TTC16: variants seen among roughly 807,000 people sequenced by gnomAD.
TTC16 encodes tetratricopeptide repeat protein 16.
A neutral mutation model predicts 80.4 loss-of-function variants in TTC16; 66 were observed. The ratio of observed to expected loss-of-function variants is 0.82; its 90% CI spans 0.67 to 1.01. The LOEUF is 1.01. Ranked by LOEUF, TTC16 falls within the 50% of genes least tolerant of loss-of-function variation. The pLI, the probability that TTC16 is intolerant of heterozygous loss-of-function variation, is 0.00. For missense variants in TTC16, 1,070 were observed against 1,103.2 expected, an observed-to-expected ratio of 0.97 and a Z score of 0.43; for synonymous variants, 438 against 451.3, an observed-to-expected ratio of 0.97 and a Z score of 0.37.
At chr9:127,729,405 C>A (rs952371288) in intron 12 of TTC16, 176 bp from the exon 13 acceptor site, 1 of 589,800 alleles carries the variant, frequency 1.7e-6, no homozygotes, top group Non-Finnish European at 3.0e-6. Context: ...CCTGGTCGCT[C>A]CCCTTCCTGC....
At position 127,723,970 on chromosome 9, in the gene TTC16, G is replaced by A. The variant is rs1843696964; in HGVS notation, c.873-150G>A. On this transcript the variant is annotated intron_variant, in intron 7 of 13. Coordinates refer to ENST00000373289, the MANE Select transcript of TTC16 (RefSeq NM_144965.3). ...GTAGCAGTCCAGAGCTGGCCCCACG[G>A]GACAAACCTAGCAAATGAGGTGGGA... is the stretch of plus-strand genomic sequence containing the variant. 3 of 1,169,842 alleles carry A rather than the reference G, an allele frequency of 2.6e-6. No homozygotes were observed. The East Asian group carries it at 7.7e-5, about 30-fold the overall frequency. The allele number at this position is 1,169,842 out of a possible 1,614,324, so 72.5% of individuals were successfully genotyped here.
chr9:127,728,288 T>C (rs1844134810), intron 12 of TTC16: 1 of 152,254 alleles, frequency 6.6e-6, no homozygotes, highest in East Asian at 1.9e-4. Context: ...AGTTTCGTCT[T>C]TTCTTCACAT....
chr9:127,730,973 G>A lies in TTC16; in HGVS notation c.2190G>A (p.Gly730=), dbSNP rs371225033. 10 of 1,612,710 alleles carry A rather than the reference G, an allele frequency of 6.2e-6. No individual in the cohort carries two copies. In the East Asian group the frequency reaches 8.9e-5, roughly 14 times the overall value. ...AGACCAGGGCCACCCAGGGCCAGGG[G>A]CAGAGCTCCAGCAAGACTGAGGCCA... The part of the protein sequence containing the change: ...SSKTRATQGQ[G]QSSSKTEATQ... Residue 730 remains glycine, a synonymous_variant, in exon 14 of 14, where the codon GGG becomes GGA. Transcript: ENST00000373289.
rs546753389 is a variant in TTC16 at position 127,722,301 on chromosome 9, G to A, written c.658-818G>A. 6.6e-6 allele frequency among the ~76,000 whole-genome samples: 1 copy of A among 152,328 alleles called. No individual in the cohort carries two copies. The highest frequency in any genetic ancestry group is 6.5e-5 in the Admixed American group (1 of 15,308). On this transcript the variant is annotated intron_variant, in intron 6 of 13. Coordinates refer to ENST00000373289, the MANE Select transcript of TTC16 (RefSeq NM_144965.3). This position sits in a 1 kb window ranked among gnomAD's most constrained non-coding sequence, Gnocchi z 4.2. ...CCAGTCACCCCGCAGGGAACAGGGT[G>A]TTGTTGAACTGTCTGTTGCCTGGCT...
Position 127,726,387 on chromosome 9 carries a change from A to G in TTC16, c.1408A>G (p.Asn470Asp). The change falls in exon 10 of 14, where the codon AAC (asparagine) becomes GAC (aspartate). Residue 470 changes from asparagine (N) to aspartate (D), a missense_variant. By Grantham distance (23) the Asn-to-Asp change is conservative. Transcript: ENST00000373289. Reference protein sequence around the residue: ...RQDVATVLLLNPKQPKLSLLM... With the variant: ...RQDVATVLLLDPKQPKLSLLM... ...GGATGTGGCCACTGTCCTGCTCCTC[A>G]ACCCCAAGCAACCAAAGGTAGGTTC... The G allele has an allele frequency of 6.2e-7, 1 of 1,602,960 alleles. No homozygotes were observed. Among genetic ancestry groups the G allele is most frequent in the Non-Finnish European group, 8.5e-7 (1 of 1,173,710 alleles).
At chr9:127,717,569 C>T in intron 3 of TTC16, 60 bp from the exon 4 acceptor site, 1 of 1,595,230 alleles carries the variant, frequency 6.3e-7, no homozygotes, top group Admixed American at 1.7e-5. Context: ...GAGACTTTCC[C>T]CTACCCTCCA....
chr9:127,717,033 C>G lies in TTC16; in HGVS notation c.191+17C>G. ...CAGGGAATAGTGAGTGACTACCTTG[C>G]TTTGGGGTCCCAGGTTCCTGCCCGA... is the stretch of plus-strand genomic sequence containing the variant. On this transcript the variant is annotated intron_variant, in intron 2 of 13. Coordinates refer to ENST00000373289, the MANE Select transcript of TTC16 (RefSeq NM_144965.3). 6.2e-7 allele frequency: 1 copy of G among 1,608,054 alleles called. No homozygotes were observed. The highest frequency in any genetic ancestry group is 2.2e-5 in the East Asian group (1 of 44,670).
rs564806736 is a variant in TTC16, at chr9:127,726,404, G to T, written c.1425G>T (p.Lys475Asn). The stretch of plus-strand genomic sequence containing the variant: ...TGCTCCTCAACCCCAAGCAACCAAA[G>T]GTAGGTTCCTGCCACGTCAGGAGTG... ...TVLLLNPKQP[K>N]LSLLMTNLFP... Residue 475 changes from lysine to asparagine, a missense_variant and splice_region_variant, in exon 10 of 14, where the codon AAG becomes AAT. Physicochemically the swap from Lys to Asn is moderately conservative, Grantham distance 94. Transcript: ENST00000373289. 1.3e-6 allele frequency: 2 copies of T among 1,591,634 alleles called. No homozygotes were observed. Among genetic ancestry groups the T allele is most frequent in the Middle Eastern group, 1.7e-4 (1 of 5,998 alleles).
At chr9:127,723,441 C>A in intron 7 of TTC16, 108 bp downstream of exon 7, 2 of 1,085,768 alleles carry the variant, frequency 1.8e-6, no homozygotes, top group Non-Finnish European at 1.3e-6. Context: ...GTTTCCCCAG[C>A]TAGCCTCTAA....
Position 127,724,350 on chromosome 9 carries a change from A to G in TTC16, c.1103A>G (p.Tyr368Cys), listed in dbSNP as rs200262845. The G allele has an allele frequency of 1.9e-6, 3 of 1,610,926 alleles. No homozygotes were observed. Among genetic ancestry groups the G allele is most frequent in the East Asian group, 4.5e-5 (2 of 44,746 alleles). The change falls in exon 8 of 14, where the codon TAC (tyrosine) becomes TGC (cysteine). Residue 368 changes from tyrosine (Y) to cysteine (C), a missense_variant. Coordinates refer to ENST00000373289, the MANE Select transcript of TTC16 (RefSeq NM_144965.3). ...GACGAGCAGCAGGAGAAAGGACTCT[A>G]CATCAACCGAGGCGGTGCGCAGCGA... ...LRDEQQEKGL[Y>C]INRGDCFFQL...
At chr9:127,729,140 T>G (rs1401017056) in intron 12 of TTC16, 2 of 158,318 alleles carry the variant, frequency 1.3e-5, no homozygotes, top group African/African-American at 4.8e-5. Context: ...CTCTGAGCTT[T>G]GGTTTCCTGT....
In TTC16 at chr9:127,724,747, G is replaced by A. The variant is rs373387093; in HGVS notation, c.1118-9G>A. 3.7e-6 allele frequency: 6 copies of A among 1,607,054 alleles called. No individual in the cohort carries two copies. The highest frequency in any genetic ancestry group is 3.3e-5 in the South Asian group (3 of 90,422). ...TGGGGGTCCACTCACCCCCGCCTCC[G>A]GACCCTAGATTGCTTCTTCCAGCTG... On this transcript the variant is annotated splice_polypyrimidine_tract_variant and intron_variant, in intron 8 of 13. Transcript: ENST00000373289.
In TTC16 at chr9:127,716,960, C is replaced by T. The variant is rs1263901110; in HGVS notation, c.135C>T (p.Ile45=). ...IFGTSHVFQS[I]CDVKPKVTGL... ...GGACCAGCCACGTGTTCCAAAGCAT[C>T]TGTGATGTAAAACCAAAGGTCACAG... Residue 45 remains isoleucine (I), a synonymous_variant, in exon 2 of 14, where the codon ATC becomes ATT. Transcript: ENST00000373289. The T allele has an allele frequency of 6.2e-7, 1 of 1,614,188 alleles. No homozygotes were observed. The highest frequency in any genetic ancestry group is 8.5e-7 in the Non-Finnish European group (1 of 1,180,014).
Position 127,716,945 on chromosome 9 carries a change from CG to C in TTC16, c.121del (p.Val41CysfsTer8), listed in dbSNP as rs748136258. The C allele has an allele frequency of 6.2e-7, 1 of 1,614,158 alleles. No homozygotes were observed. Among genetic ancestry groups the C allele is most frequent in the Admixed American group, 1.7e-5 (1 of 60,010 alleles). On this transcript the variant is annotated frameshift_variant, in exon 2 of 14. Coordinates refer to ENST00000373289, the MANE Select transcript of TTC16 (RefSeq NM_144965.3). LOFTEE classifies it high-confidence loss of function. ...TGCAGCACATCTTTGGGACCAGCCA[CG>C]TGTTCCAAAGCATCTGTGATGTAAA... ...ILQHIFGTSH[V>X]FQSICDVKPK...
Position 127,717,357 on chromosome 9 carries a change from TG to T in TTC16, c.217del (p.Glu73SerfsTer84). The T allele has an allele frequency of 6.2e-7, 1 of 1,612,210 alleles. No homozygotes were observed. The highest frequency in any genetic ancestry group is 1.3e-5 in the African/African-American group (1 of 75,044). On this transcript the variant is annotated frameshift_variant, in exon 3 of 14. Coordinates refer to ENST00000373289, the MANE Select transcript of TTC16 (RefSeq NM_144965.3). LOFTEE classifies it high-confidence loss of function. ...REYYSRGQQC[L>X]EQADWETAVL... The stretch of plus-strand genomic sequence containing the variant: ...AGCTACTCCAGAGGCCAGCAGTGCT[TG>T]GAGCAGGCAGACTGGGAGACAGCTG...
In TTC16 at chr9:127,724,290, A is replaced by C; in HGVS notation, c.1043A>C (p.Gln348Pro). 1 of 1,612,296 alleles carries C rather than the reference A, an allele frequency of 6.2e-7. No individual in the cohort carries two copies. The highest frequency in any genetic ancestry group is 1.1e-5 in the South Asian group (1 of 91,066). ...AVHCYRQGAY[Q>P]EGVLLLNKAL... Reference sequence around the variant, plus strand: ...CACTGCTACAGGCAGGGCGCCTACCAGGAGGGCGTGCTGCTGCTGAACAAG... The same window carrying C: ...CACTGCTACAGGCAGGGCGCCTACCCGGAGGGCGTGCTGCTGCTGAACAAG... Residue 348 changes from glutamine to proline, a missense_variant, in exon 8 of 14, where the codon CAG becomes CCG. By Grantham distance (76) the Gln-to-Pro change is moderately conservative. Transcript: ENST00000373289.
In TTC16 at chr9:127,724,224, C is replaced by T. The variant is rs148738903; in HGVS notation, c.977C>T (p.Ala326Val). ...TEDQEDMVRQ[A>V]QRQLLLTYND... ...GACCAGGAGGACATGGTGCGGCAGG[C>T]ACAGCGCCAGCTGTTGCTGACCTAC... is the stretch of plus-strand genomic sequence containing the variant. Residue 326 changes from alanine to valine, a missense_variant, in exon 8 of 14, where the codon GCA becomes GTA. Ala to Val is a moderately conservative substitution (Grantham distance 64). Transcript: ENST00000373289. 48 of 1,613,062 alleles carry T rather than the reference C, an allele frequency of 3.0e-5. No homozygotes were observed. The African/African-American group carries it at 5.7e-4, about 19-fold the overall frequency.
intron 10 of TTC16, among the ~76,000 whole-genome samples, 175 bp from the exon 11 acceptor site, chr9:127,726,787 CAAAAAAAA>C (rs55676226): frequency 7.8e-6 from 1 of 127,738 alleles, no homozygotes. Context: ...GACTCTGTCT[CAAAAAAAA>C]AAAAAAAAAA....
rs11365077 is a variant in TTC16, at chr9:127,729,782, TG to T, written c.1852+117del. 5.2e-3 allele frequency: 4,802 copies of T among 928,604 alleles called. 149 individuals carry two copies. The African/African-American group carries it at 0.068, about 13-fold the overall frequency. The allele number at this position is 928,604 out of a possible 1,614,324, so 57.5% of individuals were successfully genotyped here. A position where few individuals can be genotyped will look rare whatever the true frequency, so the allele number is the denominator to read the frequency against. ...TGCGTTCGGCCCCGCTGCTGACAGC[TG>T]GGTGGCCTGGGGCGAGTGGCTCTAG... On this transcript the variant is annotated intron_variant, in intron 13 of 13. Transcript: ENST00000373289.
Sources: gnomAD v4.1 joint callset for allele counts (sites outside exome capture counted in the v4.1 genomes callset) on GRCh38, gnomAD v4.1.1 for gene constraint, Gnocchi (gnomAD v3.1) non-coding constraint, MANE v1.5 for transcripts, NCBI Gene and HGNC (gene_info 2026-07-23, HGNC 2026-07-21) for gene names.